KLHL32: variants seen among roughly 807,000 people sequenced by gnomAD.
KLHL32 encodes the protein kelch-like protein 32.
KLHL32 carries 35 observed loss-of-function variants against 64.8 expected under a neutral mutation model. The ratio of observed to expected loss-of-function variants is 0.54; its 90% CI spans 0.41 to 0.72. The LOEUF is 0.72. Among genes scored for constraint, KLHL32 ranks in the 30% least tolerant of loss-of-function variants. KLHL32 has a pLI of 0.00. For missense variants in KLHL32, 589 were observed against 768.5 expected, an observed-to-expected ratio of 0.77 and a Z score of 2.76; for synonymous variants, 259 against 281.0, an observed-to-expected ratio of 0.92 and a Z score of 0.78.
intron 3 of KLHL32, among the ~76,000 whole-genome samples, chr6:96,996,377 T>C (rs953779623): frequency 1.3e-5 from 2 of 152,190 alleles, no homozygotes; most frequent in African/African-American, 4.8e-5. Context: ...ATCCCATGAT[T>C]AAAACAACAA....
At chr6:96,965,581 T>C (rs1774362068) in intron 1 of KLHL32, among the ~76,000 whole-genome samples, 1 of 152,240 alleles carries the variant, frequency 6.6e-6, no homozygotes, top group Non-Finnish European at 1.5e-5. Context: ...CAACTCCCTA[T>C]AGTAATCAAT....
chr6:97,082,962 T>C (rs1423761149), intron 5 of KLHL32, among the ~76,000 whole-genome samples: 1 of 152,222 alleles, frequency 6.6e-6, no homozygotes. Context: ...CAAACAACAA[T>C]GCTCAAATAT....
At chr6:97,060,745 TG>T (rs1788748878) in intron 4 of KLHL32, among the ~76,000 whole-genome samples, 1 of 152,124 alleles carries the variant, frequency 6.6e-6, no homozygotes, top group Non-Finnish European at 1.5e-5. Flanking sequence ...GGAGGGTGAT[TG>T]GGCCACCTCA....
intron 3 of KLHL32, among the ~76,000 whole-genome samples, chr6:97,015,143 C>G (rs1780980878): frequency 6.6e-6 from 1 of 152,144 alleles, no homozygotes; most frequent in Non-Finnish European, 1.5e-5. Flanking sequence ...GCCTCCCTAG[C>G]CATGTGCAAC....
chr6:96,919,840 G>T (rs1408962587), upstream of KLHL32, among the ~76,000 whole-genome samples: 2 of 152,210 alleles, frequency 1.3e-5, no homozygotes, highest in Non-Finnish European at 2.9e-5. Flanking sequence ...AGCTATAACT[G>T]ATATGCCTTT....
intron 7 of KLHL32, among the ~76,000 whole-genome samples, chr6:97,119,168 G>A (rs533093230): frequency 6.6e-6 from 1 of 152,226 alleles, no homozygotes; most frequent in South Asian, 2.1e-4. Context: ...CTACCTGTGG[G>A]AGGAGGACAA....
At chr6:97,097,244 A>G (rs1795109548) in intron 6 of KLHL32, among the ~76,000 whole-genome samples, 1 of 152,164 alleles carries the variant, frequency 6.6e-6, no homozygotes, top group South Asian at 2.1e-4. Context: ...CGGTTTCATC[A>G]GACTCCTCCA....
chr6:96,996,558 T>C (rs1054928046), intron 3 of KLHL32, among the ~76,000 whole-genome samples: 9 of 152,314 alleles, frequency 5.9e-5, no homozygotes, highest in Admixed American at 5.2e-4. Context: ...TTCTAGACAC[T>C]GAATGAATTC....
At chr6:97,092,525 T>G (rs1303319390) in intron 6 of KLHL32, among the ~76,000 whole-genome samples, 5 of 152,196 alleles carry the variant, frequency 3.3e-5, no homozygotes, top group Non-Finnish European at 7.3e-5. Flanking sequence ...GGTATCTCCA[T>G]TTCCTTCTTC....
At chr6:96,900,718 C>G in the KLHL32 span, among the ~76,000 whole-genome samples, 1 of 152,298 alleles carries the variant, frequency 6.6e-6, no homozygotes, top group East Asian at 1.9e-4. Flanking sequence ...ATTACAGTAG[C>G]TAAACCCAGG....
intron 6 of KLHL32, among the ~76,000 whole-genome samples, chr6:97,112,093 A>G (rs943107775): frequency 6.6e-6 from 1 of 152,082 alleles, no homozygotes; most frequent in East Asian, 1.9e-4. Flanking sequence ...TGAAACAGGA[A>G]TGTATGTTCT....
intron 4 of KLHL32, among the ~76,000 whole-genome samples, chr6:97,047,158 A>G (rs1256890523): frequency 6.6e-6 from 1 of 152,258 alleles, no homozygotes; most frequent in Non-Finnish European, 1.5e-5. Context: ...GAAATTTTAA[A>G]GAAAAAGCAA....
At chr6:96,966,219 A>T in intron 1 of KLHL32, among the ~76,000 whole-genome samples, 1 of 152,186 alleles carries the variant, frequency 6.6e-6, no homozygotes, top group East Asian at 1.9e-4. Context: ...TGTATTAGAA[A>T]ATGGGAGCTA....
intron 6 of KLHL32, among the ~76,000 whole-genome samples, chr6:97,111,005 A>G (rs1360861719): frequency 6.6e-6 from 1 of 151,236 alleles, no homozygotes; most frequent in African/African-American, 2.4e-5. Flanking sequence ...CAAAGGAAGA[A>G]AGGAAAGATA....
chr6:96,968,998 G>A (rs1309319907), intron 2 of KLHL32, among the ~76,000 whole-genome samples: 1 of 152,156 alleles, frequency 6.6e-6, no homozygotes, highest in African/African-American at 2.4e-5. Flanking sequence ...TGAAGATGAT[G>A]CCCTTTATCT....
intron 8 of KLHL32, among the ~76,000 whole-genome samples, chr6:97,130,038 A>T (rs1161153611): frequency 6.6e-6 from 1 of 152,196 alleles, no homozygotes; most frequent in African/African-American, 2.4e-5. Flanking sequence ...TTGTTGCTGA[A>T]CCAAATCTTA....
chr6:97,086,109 C>A (rs935523249), intron 6 of KLHL32, among the ~76,000 whole-genome samples: 3 of 152,178 alleles, frequency 2.0e-5, no homozygotes, highest in Non-Finnish European at 4.4e-5. Flanking sequence ...CACTGGCTAG[C>A]CATTTTGTTA....
rs533082280 is a variant in KLHL32 at position 96,987,403 on chromosome 6, T to C, written c.204+11226T>C. Among the ~76,000 whole-genome samples, 10 of 152,310 alleles carry C rather than the reference T, an allele frequency of 6.6e-5. No individual in the cohort carries two copies. The East Asian group carries it at 1.9e-3, about 29-fold the overall frequency. ...TGAATGTGTCCCAGAGATTCTGGTATGTTGTGTCTTTGTTCTCGTTGGCAA... is the reference window on the plus strand; with the variant it reads ...TGAATGTGTCCCAGAGATTCTGGTACGTTGTGTCTTTGTTCTCGTTGGCAA... On this transcript the variant is annotated intron_variant, in intron 3 of 10. Transcript: ENST00000369261.
chr6:97,043,718 C>T (rs1785479416), intron 4 of KLHL32, among the ~76,000 whole-genome samples: 3 of 149,520 alleles, frequency 2.0e-5, no homozygotes, highest in African/African-American at 5.0e-5. Context: ...CTCATCAATA[C>T]TTGTTATCGA....
Sources: gnomAD v4.1 joint callset for allele counts (sites outside exome capture counted in the v4.1 genomes callset) on GRCh38, gnomAD v4.1.1 for gene constraint, MANE v1.5 for transcripts, NCBI Gene and HGNC (gene_info 2026-07-23, HGNC 2026-07-21) for gene names.